ZNF331: variants seen among roughly 807,000 people sequenced by gnomAD.
ZNF331 encodes the protein C2H2-like zinc finger protein rearranged in thyroid adenomas.
In ZNF331, 2 loss-of-function variants were observed where a neutral mutation model predicts 7.0. The ratio of observed to expected loss-of-function variants is 0.29; its 90% CI spans 0.12 to 0.90. The LOEUF (loss-of-function observed/expected upper bound fraction) is 0.90, where lower values mean the gene tolerates loss of function less well. Among genes scored for constraint, ZNF331 ranks in the 40% least tolerant of loss-of-function variants. The pLI is 0.58. For missense variants in ZNF331, 432 were observed against 587.7 expected (o/e 0.74, Z 2.74); for synonymous variants, 196 against 205.4 (o/e 0.95, Z 0.39).
At chr19:53,566,224 T>C (rs1457628087) in intron 3 of ZNF331, among the ~76,000 whole-genome samples, 1 of 152,118 alleles carries the variant, frequency 6.6e-6, no homozygotes, top group African/African-American at 2.4e-5. Context: ...CAGCATCACA[T>C]TGTGACAACA....
At chr19:53,544,371 C>T (rs1003865159) in intron 2 of ZNF331, among the ~76,000 whole-genome samples, 2 of 150,896 alleles carry the variant, frequency 1.3e-5, no homozygotes, top group Admixed American at 1.3e-4. Context: ...CGGTGAAACC[C>T]CATCTCTACT....
intron 3 of ZNF331, among the ~76,000 whole-genome samples, chr19:53,568,789 G>A (rs890384134): frequency 6.8e-6 from 1 of 147,976 alleles, no homozygotes; most frequent in Non-Finnish European, 1.5e-5. Flanking sequence ...CCTCTGCTGT[G>A]TGCAGCTAGG....
At chr19:53,542,286 C>G (rs1377581128) in intron 2 of ZNF331, among the ~76,000 whole-genome samples, 2 of 152,168 alleles carry the variant, frequency 1.3e-5, no homozygotes, top group Admixed American at 1.3e-4. Flanking sequence ...AATCCATCAT[C>G]TGAATCTAAC....
chr19:53,568,755 CAAA>C (rs148955580), intron 3 of ZNF331, among the ~76,000 whole-genome samples: 8 of 111,082 alleles, frequency 7.2e-5, no homozygotes, highest in Admixed American at 9.6e-5. Flanking sequence ...CTTTGAGGCG[CAAA>C]AAAAAAAAAA....
Position 53,567,259 on chromosome 19 carries a change from T to G in ZNF331, c.-73-2045T>G, listed in dbSNP as rs2090201699. On this transcript the variant is annotated intron_variant, in intron 3 of 5. Transcript: ENST00000449416. ...CAGTTCTGTATATTACCTGAGCAGT[T>G]TCTTGTCCACCTGCCATGTTGTGAG... Among the ~76,000 whole-genome samples, 2 of 152,176 alleles carry G rather than the reference T, an allele frequency of 1.3e-5. 1 individual carries two copies. Among genetic ancestry groups the G allele is most frequent in the South Asian group, 4.1e-4 (2 of 4,836 alleles).
At chr19:53,570,246 ACT>A (rs1158368857) in intron 4 of ZNF331, among the ~76,000 whole-genome samples, 11 of 96,262 alleles carry the variant, frequency 1.1e-4, no homozygotes, top group African/African-American at 4.1e-4. Context: ...ACAGAGCAAG[ACT>A]CTGTCTCAAA....
upstream of ZNF331, among the ~76,000 whole-genome samples, chr19:53,518,098 T>C (rs1322725039): frequency 6.6e-6 from 1 of 152,198 alleles, no homozygotes; most frequent in Non-Finnish European, 1.5e-5. Flanking sequence ...ACCCTCGATG[T>C]AGGTGGACAC....
At chr19:53,531,082 C>T (rs1041043875) in intron 2 of ZNF331, among the ~76,000 whole-genome samples, 10 of 152,112 alleles carry the variant, frequency 6.6e-5, no homozygotes, top group African/African-American at 2.2e-4. Flanking sequence ...GGCTGCGCAC[C>T]TAGAAAGACC....
At chr19:53,524,778 A>G (rs2087229677) in intron 2 of ZNF331, among the ~76,000 whole-genome samples, 1 of 151,638 alleles carries the variant, frequency 6.6e-6, no homozygotes, top group South Asian at 2.1e-4. Context: ...ATTAGATCCC[A>G]TTTGTCTATT....
upstream of ZNF331, among the ~76,000 whole-genome samples, chr19:53,516,628 G>C (rs1032226565): frequency 1.3e-5 from 2 of 152,036 alleles, no homozygotes; most frequent in African/African-American, 4.8e-5. Context: ...CTGACTTCCT[G>C]ATTCTAGGCC....
intron 2 of ZNF331, among the ~76,000 whole-genome samples, chr19:53,531,465 C>T (rs1212410824): frequency 6.6e-6 from 1 of 152,114 alleles, no homozygotes; most frequent in Non-Finnish European, 1.5e-5. Flanking sequence ...AAAAATATAC[C>T]TCCTGGAGCT....
intron 2 of ZNF331, among the ~76,000 whole-genome samples, chr19:53,530,164 G>A (rs2087476669): frequency 6.6e-6 from 1 of 152,092 alleles, no homozygotes; most frequent in South Asian, 2.1e-4. Flanking sequence ...CACAGCGCTG[G>A]CGGGAGGTGC....
intron 2 of ZNF331, among the ~76,000 whole-genome samples, chr19:53,552,037 T>C (rs2089044601): frequency 6.6e-6 from 1 of 152,110 alleles, no homozygotes; most frequent in African/African-American, 2.4e-5. Context: ...ACAAGTAACA[T>C]TTCCATGATT....
chr19:53,578,239 C>T lies in ZNF331; in HGVS notation c.*287C>T. The T allele has an allele frequency of 2.6e-6, 1 of 387,244 alleles. No individual in the cohort carries two copies. Among genetic ancestry groups the T allele is most frequent in the Non-Finnish European group, 4.7e-6 (1 of 210,686 alleles). 24.0% of individuals were successfully genotyped at this position (387,244 alleles called of 1,614,324 possible). ...GTCTTGGTGATCAGATCAACTATCCCAGCATCACAGTGCCTGTGCCCAAGC... is the reference window on the plus strand; with the variant it reads ...GTCTTGGTGATCAGATCAACTATCCTAGCATCACAGTGCCTGTGCCCAAGC... On this transcript the variant is annotated 3_prime_UTR_variant, in exon 6 of 6. Coordinates refer to ENST00000449416, the MANE Select transcript of ZNF331 (RefSeq NM_001079906.2).
In ZNF331 at chr19:53,571,350, C is replaced by T. The variant is rs2090436338; in HGVS notation, c.10-254C>T. ...AAGAAAACTTGGATTGTTTTATCCA[C>T]TTCCTGGCAGGTTTGACTAACTGAG... is the stretch of plus-strand genomic sequence containing the variant. On this transcript the variant is annotated intron_variant, in intron 4 of 5. Transcript: ENST00000449416. This position sits in a 1 kb window ranked among gnomAD's most constrained non-coding sequence, Gnocchi z 4.7. Among the ~76,000 whole-genome samples, 1 of 152,210 alleles carries T rather than the reference C, an allele frequency of 6.6e-6. No homozygotes were observed. The highest frequency in any genetic ancestry group is 1.5e-5 in the Non-Finnish European group (1 of 68,040).
upstream of ZNF331, chr19:53,537,704 T>C (rs1401385510): frequency 2.6e-5 from 4 of 152,278 alleles, no homozygotes; most frequent in African/African-American, 9.6e-5. Flanking sequence ...CGGCCCCGCG[T>C]CCTCTTCTAG....
intron 2 of ZNF331, among the ~76,000 whole-genome samples, chr19:53,524,738 T>G (rs1169147649): frequency 6.6e-6 from 1 of 152,210 alleles, no homozygotes; most frequent in Non-Finnish European, 1.5e-5. Context: ...GATAGTAGTT[T>G]CTTTTGCTGT....
In ZNF331 at chr19:53,547,402, A is replaced by T. The variant is rs148094706; in HGVS notation, c.-138+8120A>T. Among the ~76,000 whole-genome samples, 49 of 152,334 alleles carry T rather than the reference A, an allele frequency of 3.2e-4. No homozygotes were observed. The South Asian group carries it at 4.6e-3, about 14-fold the overall frequency. ...AGGCTGGATGGCATTGCATTGTGTT[A>T]TCTCTACCACACTTTCTTTATTAAT... is the stretch of plus-strand genomic sequence containing the variant. On this transcript the variant is annotated intron_variant, in intron 2 of 5. Coordinates refer to ENST00000449416, the MANE Select transcript of ZNF331 (RefSeq NM_001079906.2).
At chr19:53,533,498 A>G (rs60136522), upstream of ZNF331, among the ~76,000 whole-genome samples, 48,793 of 152,024 alleles carry the variant, frequency 0.32, 8,000 homozygotes, top group Middle Eastern at 0.41. Flanking sequence ...TACATCTGAT[A>G]AGTCCATTTG....
Sources: allele counts gnomAD v4.1 joint callset (sites outside exome capture counted in the v4.1 genomes callset), GRCh38; gene constraint gnomAD v4.1.1; non-coding constraint Gnocchi (gnomAD v3.1); transcripts MANE v1.5; gene names NCBI Gene and HGNC (gene_info 2026-07-23, HGNC 2026-07-21).